The following CELF2 variants were observed in gnomAD, a reference collection of about 807,000 sequenced individuals.
The protein encoded by CELF2 is CUGBP Elav-like family member 2.
In CELF2, 8 loss-of-function variants were observed where a neutral mutation model predicts 62.6. The observed-to-expected ratio is 0.13, with a 90% confidence interval of 0.07 to 0.23. The LOEUF is 0.23. Ranked by LOEUF, CELF2 falls within the 10% of genes least tolerant of loss-of-function variation. The probability of loss-of-function intolerance (pLI) is 1.00; values close to 1 mark genes in which losing one functional copy is unlikely to be tolerated. For synonymous variants in CELF2, 258 were observed against 250.0 expected (o/e 1.03, Z -0.30); for missense variants, 333 against 671.0 (o/e 0.50, Z 5.56).
intron 9 of CELF2, among the ~76,000 whole-genome samples, chr10:11,313,873 T>G (rs1336801951): frequency 6.6e-6 from 1 of 152,124 alleles, no homozygotes; most frequent in Non-Finnish European, 1.5e-5. Flanking sequence ...TGTCTAAACC[T>G]GGCAGGGCAG....
chr10:10,696,373 G>T, the CELF2 span, among the ~76,000 whole-genome samples: 1 of 151,534 alleles, frequency 6.6e-6, no homozygotes, highest in East Asian at 1.9e-4. Context: ...CAGATCTCCA[G>T]CTGCATGCTG....
chr10:11,272,232 G>A (rs1274718079), intron 7 of CELF2, among the ~76,000 whole-genome samples: 2 of 152,214 alleles, frequency 1.3e-5, no homozygotes, highest in Non-Finnish European at 2.9e-5. Flanking sequence ...TGTCCACGAA[G>A]ATACCATGAG....
At chr10:11,057,244 C>T (rs973201659) in intron 1 of CELF2, among the ~76,000 whole-genome samples, 1 of 151,886 alleles carries the variant, frequency 6.6e-6, no homozygotes, top group Admixed American at 6.6e-5. Context: ...ACGAGGTGCG[C>T]CTGCCTGTGA....
At chr10:11,209,604 T>C (rs2061303143) in intron 2 of CELF2, among the ~76,000 whole-genome samples, 1 of 151,780 alleles carries the variant, frequency 6.6e-6, no homozygotes, top group Non-Finnish European at 1.5e-5. Context: ...CTAAGTTTTC[T>C]TGAAAATTTT....
At chr10:10,869,779 A>G (rs1016789243) in intron 1 of CELF2, among the ~76,000 whole-genome samples, 2 of 152,106 alleles carry the variant, frequency 1.3e-5, no homozygotes, top group Non-Finnish European at 2.9e-5. Flanking sequence ...TTCACGCCTT[A>G]TCAACATAAT....
chr10:11,189,879 G>C (rs1380357599), intron 2 of CELF2, among the ~76,000 whole-genome samples: 1 of 152,154 alleles, frequency 6.6e-6, no homozygotes, highest in Non-Finnish European at 1.5e-5. Context: ...TGCTTTCCAG[G>C]TCTTCCATAA....
chr10:11,118,828 G>A (rs1333217518), intron 1 of CELF2, among the ~76,000 whole-genome samples: 1 of 152,226 alleles, frequency 6.6e-6, no homozygotes, highest in East Asian at 1.9e-4. Flanking sequence ...TTGAGCAGGA[G>A]ACAAGGAGGT....
the CELF2 span, among the ~76,000 whole-genome samples, chr10:10,566,862 C>A: frequency 6.6e-6 from 1 of 152,018 alleles, no homozygotes; most frequent in South Asian, 2.1e-4. Flanking sequence ...AAGTAACTAT[C>A]CTAGAATGGG....
chr10:10,518,796 A>C, the CELF2 span, among the ~76,000 whole-genome samples: 1 of 152,192 alleles, frequency 6.6e-6, no homozygotes, highest in African/African-American at 2.4e-5. Context: ...TTGGTGACCC[A>C]GCTTCCAAAA....
chr10:10,948,478 C>T (rs1238268444), intron 2 of CELF2: 1 of 152,128 alleles, frequency 6.6e-6, no homozygotes, highest in African/African-American at 2.4e-5. Flanking sequence ...GATGACGTAC[C>T]TTCTGTGTTG....
At chr10:10,494,886 G>A in the CELF2 span, among the ~76,000 whole-genome samples, 1 of 152,214 alleles carries the variant, frequency 6.6e-6, no homozygotes, top group South Asian at 2.1e-4. Context: ...TCAAGCTAGG[G>A]TGGATTGGGA....
chr10:11,250,438 G>T (rs552789051), intron 4 of CELF2, among the ~76,000 whole-genome samples: 1 of 152,158 alleles, frequency 6.6e-6, no homozygotes, highest in Non-Finnish European at 1.5e-5. Context: ...GGGTTAATTC[G>T]TTTTTTTCTC....
chr10:11,232,994 T>C (rs2069398982), intron 3 of CELF2, among the ~76,000 whole-genome samples: 1 of 152,216 alleles, frequency 6.6e-6, no homozygotes, highest in Non-Finnish European at 1.5e-5. Flanking sequence ...ATCTTGACTC[T>C]GTTCTCTAAA....
At chr10:10,976,623 T>C (rs899307867) in intron 2 of CELF2, among the ~76,000 whole-genome samples, 1 of 152,296 alleles carries the variant, frequency 6.6e-6, no homozygotes, top group African/African-American at 2.4e-5. Flanking sequence ...GATTCTCAGG[T>C]TCCTAATCAG....
chr10:10,672,517 A>C, the CELF2 span, among the ~76,000 whole-genome samples: 1 of 147,052 alleles, frequency 6.8e-6, no homozygotes, highest in Non-Finnish European at 1.5e-5. Context: ...TTGCATATGC[A>C]TGTCTAGTTG....
intron 1 of CELF2, among the ~76,000 whole-genome samples, chr10:10,911,205 C>A (rs1339979046): frequency 6.6e-6 from 1 of 152,212 alleles, no homozygotes; most frequent in African/African-American, 2.4e-5. Flanking sequence ...TGCACACTGG[C>A]TTCCCTTACA....
the CELF2 span, among the ~76,000 whole-genome samples, chr10:10,739,715 C>T: frequency 1.3e-5 from 2 of 152,124 alleles, no homozygotes; most frequent in Non-Finnish European, 2.9e-5. Flanking sequence ...TTAGTTTCCC[C>T]CAATTTTTGT....
chr10:10,466,561 CA>C, the CELF2 span, among the ~76,000 whole-genome samples: 765 of 152,156 alleles, frequency 5.0e-3, 5 homozygotes, highest in African/African-American at 0.017. Flanking sequence ...CTCAGGTAAA[CA>C]GCTAGAATTG....
the CELF2 span, among the ~76,000 whole-genome samples, chr10:10,620,783 G>A: frequency 6.8e-6 from 1 of 148,076 alleles, no homozygotes; most frequent in Admixed American, 6.7e-5. Flanking sequence ...GCAGGCGCCT[G>A]TAGGTAGTCC....
Sources: allele counts gnomAD v4.1 joint callset (sites outside exome capture counted in the v4.1 genomes callset), GRCh38; gene constraint gnomAD v4.1.1; transcripts MANE v1.5; gene names NCBI Gene and HGNC (gene_info 2026-07-23, HGNC 2026-07-21).